Variants in PTPN4 observed in about 807,000 individuals in gnomAD.
PTPN4 encodes the protein protein tyrosine phosphatase non-receptor type 4.
Under a neutral mutation model 135.5 loss-of-function variants are expected in PTPN4, and 49 were observed. The observed-to-expected ratio is 0.36, with a 90% CI of 0.29 to 0.46. PTPN4 has a LOEUF of 0.46. Ranked by LOEUF, PTPN4 falls within the 20% of genes least tolerant of loss-of-function variation. The probability of loss-of-function intolerance (pLI) is 1.00; values close to 1 mark genes in which losing one functional copy is unlikely to be tolerated. For missense variants in PTPN4, 860 were observed against 1,101.0 expected (o/e 0.78, Z 3.10); for synonymous variants, 333 against 369.9 (o/e 0.90, Z 1.14).
At chr2:119,798,955 A>G (rs1691312934) in intron 1 of PTPN4, among the ~76,000 whole-genome samples, 1 of 152,190 alleles carries the variant, frequency 6.6e-6, no homozygotes, top group African/African-American at 2.4e-5. Flanking sequence ...CTGTTGATAT[A>G]TCGTTATGAT....
Position 119,763,766 on chromosome 2 carries a change from T to C in PTPN4, c.-18+3382T>C, listed in dbSNP as rs531703970. ...GAGCACTTAAAATGTGACGAGTGTGTCTGAGAAACTCAATTTAAAATTGTA... is the reference window on the plus strand; with the variant it reads ...GAGCACTTAAAATGTGACGAGTGTGCCTGAGAAACTCAATTTAAAATTGTA... On this transcript the variant is annotated intron_variant, in intron 1 of 26. Coordinates refer to ENST00000263708, the MANE Select transcript of PTPN4 (RefSeq NM_002830.4). 3.3e-5 allele frequency among the ~76,000 whole-genome samples: 5 copies of C among 152,354 alleles called. No individual in the cohort carries two copies. The South Asian group carries it at 1.0e-3, about 32-fold the overall frequency.
chr2:119,960,417 A>G (rs1197559583), intron 22 of PTPN4, among the ~76,000 whole-genome samples: 2 of 152,320 alleles, frequency 1.3e-5, no homozygotes, highest in African/African-American at 4.8e-5. Context: ...CTATTTACAG[A>G]TAAGTATTTT....
At chr2:119,878,299 T>G (rs1019402292) in intron 5 of PTPN4, among the ~76,000 whole-genome samples, 11 of 152,148 alleles carry the variant, frequency 7.2e-5, no homozygotes, top group African/African-American at 2.7e-4. Context: ...AATGACAACC[T>G]TGTGTGTTGC....
chr2:119,965,410 C>T, intron 24 of PTPN4, 87 bp from the exon 25 acceptor site: 5 of 1,306,866 alleles, frequency 3.8e-6, no homozygotes, highest in South Asian at 1.5e-5. Context: ...CTCCCCCTCC[C>T]TTCTTTCCTG....
At chr2:119,920,442 G>A (rs1483113126) in intron 12 of PTPN4, among the ~76,000 whole-genome samples, 1 of 152,012 alleles carries the variant, frequency 6.6e-6, no homozygotes, top group Non-Finnish European at 1.5e-5. Flanking sequence ...TGAGAAACCA[G>A]TTCTGTGTTC....
intron 18 of PTPN4, among the ~76,000 whole-genome samples, chr2:119,950,470 A>T (rs554830216): frequency 2.0e-5 from 3 of 152,230 alleles, no homozygotes; most frequent in Non-Finnish European, 4.4e-5. Flanking sequence ...TCATTTTCAG[A>T]TGTCTTTTCA....
chr2:119,955,266 G>A lies in PTPN4; in HGVS notation c.1923G>A (p.Glu641=). Residue 641 remains glutamate (E), a synonymous_variant, in exon 20 of 27, where the codon GAG becomes GAA. Transcript: ENST00000263708. ...ATCAGGATGACCATTCCCTGCGGGA[G>A]TCAATGATCCAGCTAGCTGAGGGGC... The part of the protein sequence containing the change: ...SVHQDDHSLR[E]SMIQLAEGLI... 1 of 1,613,674 alleles carries A rather than the reference G, an allele frequency of 6.2e-7. No individual in the cohort carries two copies. Among genetic ancestry groups the A allele is most frequent in the East Asian group, 2.2e-5 (1 of 44,864 alleles).
chr2:119,781,871 T>G (rs1272270254), intron 1 of PTPN4, among the ~76,000 whole-genome samples: 1 of 152,218 alleles, frequency 6.6e-6, no homozygotes, highest in African/African-American at 2.4e-5. Flanking sequence ...GCCTGGCTCC[T>G]TACTGAAAAT....
chr2:119,902,837 G>C (rs1243074532), intron 10 of PTPN4, among the ~76,000 whole-genome samples: 1 of 152,196 alleles, frequency 6.6e-6, no homozygotes, highest in Non-Finnish European at 1.5e-5. Flanking sequence ...GACTAGCATA[G>C]GGAGCTGCCT....
At chr2:119,825,075 C>G (rs538781192) in intron 2 of PTPN4, among the ~76,000 whole-genome samples, 5 of 152,144 alleles carry the variant, frequency 3.3e-5, no homozygotes, top group Non-Finnish European at 5.9e-5. Flanking sequence ...ATACTTATTT[C>G]TATAAACTGA....
At chr2:119,767,989 G>A (rs1050102997) in intron 1 of PTPN4, among the ~76,000 whole-genome samples, 1 of 152,140 alleles carries the variant, frequency 6.6e-6, no homozygotes, top group Non-Finnish European at 1.5e-5. Flanking sequence ...CAGGTCTGAT[G>A]ATTGCTACCT....
At chr2:119,777,837 T>G (rs144306999) in intron 1 of PTPN4, among the ~76,000 whole-genome samples, 2,551 of 151,938 alleles carry the variant, frequency 0.017, 42 homozygotes, top group Non-Finnish European at 0.027. Flanking sequence ...TTTTTTCCCC[T>G]AAGAGATGAG....
intron 8 of PTPN4, among the ~76,000 whole-genome samples, chr2:119,883,531 G>C (rs553194740): frequency 1.3e-5 from 2 of 152,098 alleles, no homozygotes; most frequent in East Asian, 3.9e-4. Flanking sequence ...ATTGTTTATT[G>C]GTTCAGAATT....
At chr2:119,780,054 T>A (rs1459713170) in intron 1 of PTPN4, among the ~76,000 whole-genome samples, 1 of 144,652 alleles carries the variant, frequency 6.9e-6, no homozygotes, top group East Asian at 1.9e-4. Flanking sequence ...CTGAAATAAT[T>A]TTTTTTTTAA....
intron 20 of PTPN4, among the ~76,000 whole-genome samples, chr2:119,955,680 G>A (rs1679270080): frequency 6.6e-6 from 1 of 152,106 alleles, no homozygotes; most frequent in Admixed American, 6.5e-5. Flanking sequence ...GCTCACGCCT[G>A]TAATCCCAGC....
At chr2:119,822,841 A>C (rs1332287878) in intron 2 of PTPN4, among the ~76,000 whole-genome samples, 2 of 152,166 alleles carry the variant, frequency 1.3e-5, no homozygotes, top group Non-Finnish European at 2.9e-5. Flanking sequence ...TTGAACAGTA[A>C]GTTATTAATT....
intron 26 of PTPN4, among the ~76,000 whole-genome samples, chr2:119,969,997 C>T (rs1411023196): frequency 2.0e-5 from 3 of 152,130 alleles, no homozygotes; most frequent in African/African-American, 4.8e-5. Context: ...GTATACAATT[C>T]AGTGGGTTTT....
rs957047671 is a variant in PTPN4 at position 119,894,926 on chromosome 2, T to C, written c.676-5792T>C. Among the ~76,000 whole-genome samples, 7 of 152,352 alleles carry C rather than the reference T, an allele frequency of 4.6e-5. No homozygotes were observed. In the South Asian group the frequency reaches 1.4e-3, roughly 32 times the overall value. On this transcript the variant is annotated intron_variant, in intron 9 of 26. Coordinates refer to ENST00000263708, the MANE Select transcript of PTPN4 (RefSeq NM_002830.4). ...TGCCTGAGTATGGGAAAGTGGACAC[T>C]CTAATACATTGTTGAAATATAAATT... is the stretch of plus-strand genomic sequence containing the variant.
chr2:119,765,991 G>A (rs903298885), intron 1 of PTPN4, among the ~76,000 whole-genome samples: 2 of 151,824 alleles, frequency 1.3e-5, no homozygotes, highest in Non-Finnish European at 2.9e-5. Flanking sequence ...GGGTCCTTGT[G>A]TTTGGGCAAT....
Sources: gnomAD v4.1 joint callset for allele counts (sites outside exome capture counted in the v4.1 genomes callset) on GRCh38, gnomAD v4.1.1 for gene constraint, MANE v1.5 for transcripts, NCBI Gene and HGNC (gene_info 2026-07-23, HGNC 2026-07-21) for gene names.